LDB2: variants seen among roughly 807,000 people sequenced by gnomAD.
The protein encoded by LDB2 is LIM domain-binding protein 2.
LDB2 carries 12 observed loss-of-function variants against 44.3 expected under a neutral mutation model. The observed-to-expected ratio is 0.27, with a 90% CI of 0.17 to 0.44. The LOEUF (loss-of-function observed/expected upper bound fraction) is 0.44, where lower values mean the gene tolerates loss of function less well. Ranked by LOEUF, LDB2 falls within the 20% of genes least tolerant of loss-of-function variation. LDB2 has a pLI of 1.00. For missense variants in LDB2, 344 were observed against 473.5 expected, an observed-to-expected ratio of 0.73 and a Z score of 2.54; for synonymous variants, 164 against 174.8, an observed-to-expected ratio of 0.94 and a Z score of 0.49.
chr4:16,738,821 C>T (rs942474916), intron 2 of LDB2, among the ~76,000 whole-genome samples: 2 of 152,142 alleles, frequency 1.3e-5, no homozygotes, highest in Non-Finnish European at 2.9e-5. Context: ...TGAATAAATT[C>T]TTATCAGGGA....
chr4:16,895,275 C>G (rs1724643632), intron 1 of LDB2, among the ~76,000 whole-genome samples: 1 of 152,124 alleles, frequency 6.6e-6, no homozygotes, highest in Admixed American at 6.6e-5. Flanking sequence ...AACTTCCCGG[C>G]TTCTGAAGAA....
chr4:16,685,264 G>A (rs1748932847), intron 2 of LDB2, among the ~76,000 whole-genome samples: 1 of 152,330 alleles, frequency 6.6e-6, no homozygotes, highest in East Asian at 1.9e-4. Context: ...CCAGTATGGA[G>A]GATGCGATCC....
chr4:16,775,180 CTTAA>C (rs1446352849), intron 1 of LDB2, among the ~76,000 whole-genome samples: 1 of 152,150 alleles, frequency 6.6e-6, no homozygotes, highest in Non-Finnish European at 1.5e-5. Flanking sequence ...ATACCTCACT[CTTAA>C]TTGTGAGGAT....
At chr4:16,747,772 C>T (rs1050621010) in intron 2 of LDB2, among the ~76,000 whole-genome samples, 14 of 152,006 alleles carry the variant, frequency 9.2e-5, no homozygotes, top group African/African-American at 3.1e-4. Flanking sequence ...TCTGGAATAT[C>T]GGAATATGAG....
At chr4:16,782,504 C>A (rs1172381955) in intron 1 of LDB2, among the ~76,000 whole-genome samples, 2 of 152,050 alleles carry the variant, frequency 1.3e-5, no homozygotes, top group African/African-American at 2.4e-5. Flanking sequence ...GTGTGTGCCA[C>A]CACACCCAGC....
At chr4:16,781,669 G>T (rs999947015) in intron 1 of LDB2, among the ~76,000 whole-genome samples, 1 of 152,114 alleles carries the variant, frequency 6.6e-6, no homozygotes, top group African/African-American at 2.4e-5. Flanking sequence ...TAAGAGTAAG[G>T]TGTAGCCAAC....
chr4:16,592,640 C>CATA (rs1719541299), intron 3 of LDB2, among the ~76,000 whole-genome samples: 1 of 151,672 alleles, frequency 6.6e-6, no homozygotes, highest in Admixed American at 6.6e-5. Context: ...CTGTCAAAGA[C>CATA]ATAAGTGAGT....
chr4:16,727,396 G>C (rs902877832), intron 2 of LDB2, among the ~76,000 whole-genome samples: 1 of 152,192 alleles, frequency 6.6e-6, no homozygotes, highest in African/African-American at 2.4e-5. Context: ...GCAGGTCTAG[G>C]TGCACTCTGC....
At chr4:16,690,507 GA>G (rs1560892650) in intron 2 of LDB2, among the ~76,000 whole-genome samples, 19 of 13,512 alleles carry the variant, frequency 1.4e-3, no homozygotes, top group East Asian at 4.3e-3. Context: ...GGGAGGGAGG[GA>G]GGGAGGGAGG....
chr4:16,842,548 C>T (rs1786082894), intron 1 of LDB2, among the ~76,000 whole-genome samples: 1 of 152,122 alleles, frequency 6.6e-6, no homozygotes, highest in African/African-American at 2.4e-5. Flanking sequence ...TTAAGGCACT[C>T]AGATATTTTG....
intron 2 of LDB2, among the ~76,000 whole-genome samples, chr4:16,687,905 G>A (rs996007277): frequency 6.6e-6 from 1 of 152,166 alleles, no homozygotes; most frequent in Non-Finnish European, 1.5e-5. Context: ...GGTAGAGAAG[G>A]AGCTCTTATC....
rs1730715060 is a variant in LDB2 at position 16,533,220 on chromosome 4, A to C, written c.616-21116T>G. Among the ~76,000 whole-genome samples, 1 of 152,160 alleles carries C rather than the reference A, an allele frequency of 6.6e-6. No homozygotes were observed. The highest frequency in any genetic ancestry group is 6.5e-5 in the Admixed American group (1 of 15,282). On this transcript the variant is annotated intron_variant, in intron 5 of 7. Coordinates refer to ENST00000304523, the MANE Select transcript of LDB2 (RefSeq NM_001290.5). The surrounding 1 kb of genome is among the most constrained non-coding windows in gnomAD (Gnocchi z 4.1). The stretch of plus-strand genomic sequence containing the variant: ...TGGCTTTAGAGACAGACCCAGGTTC[A>C]AATCCCAGCCAGGTCCTACCAGCTG...
At chr4:16,748,585 C>G (rs755798706) in intron 2 of LDB2, among the ~76,000 whole-genome samples, 2 of 152,132 alleles carry the variant, frequency 1.3e-5, no homozygotes, top group African/African-American at 2.4e-5. Context: ...TTTACCTCAT[C>G]TACATAAATA....
At chr4:16,865,758 A>AG (rs953227038) in intron 1 of LDB2, among the ~76,000 whole-genome samples, 2 of 152,210 alleles carry the variant, frequency 1.3e-5, no homozygotes, top group Non-Finnish European at 2.9e-5. Flanking sequence ...AACAAAGAGA[A>AG]GGGGCATTCA....
At chr4:16,568,961 G>T (rs1466669089) in intron 5 of LDB2, among the ~76,000 whole-genome samples, 1 of 152,172 alleles carries the variant, frequency 6.6e-6, no homozygotes, top group Non-Finnish European at 1.5e-5. Flanking sequence ...GAGATACCAA[G>T]AATTCCAAAA....
intron 2 of LDB2, among the ~76,000 whole-genome samples, chr4:16,605,495 A>G (rs1723692082): frequency 6.6e-6 from 1 of 152,220 alleles, no homozygotes; most frequent in Non-Finnish European, 1.5e-5. Flanking sequence ...AAAACACCAT[A>G]TTACTCTCAC....
intron 5 of LDB2, among the ~76,000 whole-genome samples, chr4:16,534,038 G>A (rs1198889494): frequency 6.6e-6 from 1 of 152,278 alleles, no homozygotes; most frequent in Admixed American, 6.5e-5. Flanking sequence ...GGAATGCCAC[G>A]ATCTGATTTT....
intron 1 of LDB2, among the ~76,000 whole-genome samples, chr4:16,763,320 G>T (rs76039720): frequency 0.014 from 2,200 of 152,218 alleles, 46 homozygotes; most frequent in African/African-American, 0.05. Context: ...TTACAAAGTT[G>T]TCCGGAGAAC....
intron 1 of LDB2, among the ~76,000 whole-genome samples, chr4:16,806,450 CA>C (rs1298915065): frequency 6.6e-6 from 1 of 152,198 alleles, no homozygotes; most frequent in Non-Finnish European, 1.5e-5. Flanking sequence ...AATAAATGCC[CA>C]TGGGGCTGGT....
Sources: gnomAD v4.1 joint callset for allele counts (sites outside exome capture counted in the v4.1 genomes callset) on GRCh38, gnomAD v4.1.1 for gene constraint, Gnocchi (gnomAD v3.1) non-coding constraint, MANE v1.5 for transcripts, NCBI Gene and HGNC (gene_info 2026-07-23, HGNC 2026-07-21) for gene names.